NRG1: variants seen among roughly 807,000 people sequenced by gnomAD.
The protein encoded by NRG1 is neuregulin 1.
In NRG1, 18 loss-of-function variants were observed where a neutral mutation model predicts 63.8. The ratio of observed to expected loss-of-function variants is 0.28; its 90% CI spans 0.19 to 0.42. The LOEUF is 0.42. Among genes scored for constraint, NRG1 ranks in the 10% least tolerant of loss-of-function variants. The pLI, the probability that NRG1 is intolerant of heterozygous loss-of-function variation, is 1.00. For missense variants in NRG1, 762 were observed against 814.7 expected (o/e 0.94, Z 0.79); for synonymous variants, 302 against 301.3 (o/e 1.00, Z -0.02).
At chr8:32,327,906 A>C (rs1424647406) in intron 1 of NRG1, among the ~76,000 whole-genome samples, 1 of 152,210 alleles carries the variant, frequency 6.6e-6, no homozygotes, top group Non-Finnish European at 1.5e-5. Flanking sequence ...GAAGGTTAGA[A>C]AAAGTCACCA....
chr8:32,728,197 T>A, intron 6 of NRG1, 119 bp downstream of exon 6: 1 of 1,520,076 alleles, frequency 6.6e-7, no homozygotes, highest in Non-Finnish European at 8.8e-7. Flanking sequence ...TGAATAATGC[T>A]GTTTTATATG....
At chr8:31,933,885 A>T (rs448423) in intron 1 of NRG1, among the ~76,000 whole-genome samples, 136,829 of 152,202 alleles carry the variant, frequency 0.9, 62,305 homozygotes, top group African/African-American at 0.97. Flanking sequence ...ATTTTATTTT[A>T]TAATACCAAC....
At chr8:32,339,539 A>T (rs189970831) in intron 1 of NRG1, among the ~76,000 whole-genome samples, 1 of 152,362 alleles carries the variant, frequency 6.6e-6, no homozygotes, top group Admixed American at 6.5e-5. Flanking sequence ...TGTTGTTTAC[A>T]TCTGTTGCAT....
intron 5 of NRG1, among the ~76,000 whole-genome samples, chr8:32,634,821 T>C (rs991633856): frequency 6.6e-6 from 1 of 152,188 alleles, no homozygotes; most frequent in Non-Finnish European, 1.5e-5. Flanking sequence ...AGTATAAAGA[T>C]ATTGTACAGT....
At chr8:32,660,786 T>C (rs1802663722) in intron 5 of NRG1, among the ~76,000 whole-genome samples, 1 of 152,226 alleles carries the variant, frequency 6.6e-6, no homozygotes, top group African/African-American at 2.4e-5. Context: ...TTGGTGTTCA[T>C]AAAGTGTTTG....
At chr8:31,885,491 T>A (rs960749531) in intron 1 of NRG1, among the ~76,000 whole-genome samples, 2 of 152,140 alleles carry the variant, frequency 1.3e-5, no homozygotes, top group African/African-American at 4.8e-5. Context: ...AGTTGACTAA[T>A]AAATTCCTGC....
chr8:32,010,273 G>A (rs376694449), intron 1 of NRG1, among the ~76,000 whole-genome samples: 26 of 151,996 alleles, frequency 1.7e-4, no homozygotes, highest in Non-Finnish European at 2.4e-4. Context: ...AAAAGAAAAC[G>A]AAGTAAACAA....
intron 1 of NRG1, among the ~76,000 whole-genome samples, chr8:32,466,144 A>AATAC (rs1000462021): frequency 9.2e-5 from 14 of 152,118 alleles, no homozygotes; most frequent in Non-Finnish European, 1.8e-4. Flanking sequence ...CTTTACAAAT[A>AATAC]ATACATACAT....
intron 1 of NRG1, among the ~76,000 whole-genome samples, chr8:32,503,662 A>G (rs1018202905): frequency 2.6e-5 from 4 of 152,210 alleles, no homozygotes; most frequent in African/African-American, 9.6e-5. Context: ...CTCTTTAATT[A>G]AAGAAATAAT....
At chr8:32,161,566 GA>G (rs11330845) in intron 1 of NRG1, among the ~76,000 whole-genome samples, 75,698 of 146,556 alleles carry the variant, frequency 0.52, 19,855 homozygotes, top group Admixed American at 0.61. Context: ...TCATGCAAAT[GA>G]AAAAAAAAAA....
chr8:32,682,969 C>T (rs893991692), intron 5 of NRG1, among the ~76,000 whole-genome samples: 2 of 152,016 alleles, frequency 1.3e-5, no homozygotes, highest in African/African-American at 4.8e-5. Flanking sequence ...TTATATATAA[C>T]CTTTTATCTT....
At chr8:32,525,200 T>A (rs1427438147) in intron 1 of NRG1, among the ~76,000 whole-genome samples, 4 of 152,136 alleles carry the variant, frequency 2.6e-5, no homozygotes, top group African/African-American at 9.7e-5. Context: ...GAGCCAAAGC[T>A]AAGGAGTCCG....
intron 1 of NRG1, among the ~76,000 whole-genome samples, chr8:32,065,256 G>T (rs1465214057): frequency 2.6e-5 from 4 of 152,012 alleles, no homozygotes; most frequent in East Asian, 1.9e-4. Flanking sequence ...ACAACGTGCA[G>T]GTTTGTTACA....
At chr8:32,161,599 C>T (rs1838839403) in intron 1 of NRG1, among the ~76,000 whole-genome samples, 1 of 151,676 alleles carries the variant, frequency 6.6e-6, no homozygotes, top group Non-Finnish European at 1.5e-5. Context: ...ATGATTTAGC[C>T]AAACCATGCT....
intron 1 of NRG1, among the ~76,000 whole-genome samples, chr8:32,211,340 T>C (rs1844685770): frequency 6.6e-6 from 1 of 152,222 alleles, no homozygotes; most frequent in Admixed American, 6.5e-5. Context: ...ATTTAGGTTG[T>C]TTACAGTTTT....
intron 1 of NRG1, among the ~76,000 whole-genome samples, chr8:31,849,412 G>A (rs1827001677): frequency 6.6e-6 from 1 of 152,196 alleles, no homozygotes; most frequent in South Asian, 2.1e-4. Context: ...GCTTTTAGGA[G>A]AGAATATTTA....
chr8:32,763,886 C>T, exon 12 of NRG1: 1 of 1,614,066 alleles, frequency 6.2e-7, no homozygotes, highest in South Asian at 1.1e-5. Context: ...TGGCGGTCAG[C>T]CCCTTCATGG....
At chr8:32,004,162 T>G (rs1422753696) in intron 1 of NRG1, among the ~76,000 whole-genome samples, 1 of 151,856 alleles carries the variant, frequency 6.6e-6, no homozygotes, top group Non-Finnish European at 1.5e-5. Context: ...CCCCACGACC[T>G]TCTGGGAAAG....
At chr8:32,188,677 G>T (rs1842192929) in intron 1 of NRG1, among the ~76,000 whole-genome samples, 7 of 152,094 alleles carry the variant, frequency 4.6e-5, no homozygotes. Context: ...AATGTCGCTG[G>T]TATCAGAGAC....
Sources: allele counts gnomAD v4.1 joint callset (sites outside exome capture counted in the v4.1 genomes callset), GRCh38; gene constraint gnomAD v4.1.1; transcripts MANE v1.5; gene names NCBI Gene and HGNC (gene_info 2026-07-23, HGNC 2026-07-21).